Variants in CCDC201 observed in about 807,000 individuals in gnomAD.
CCDC201 encodes the protein coiled-coil domain-containing protein 201.
At chr7:45,876,920 G>A (rs1029264936), upstream of CCDC201, among the ~76,000 whole-genome samples, 5 of 152,204 alleles carry the variant, frequency 3.3e-5, no homozygotes, top group Non-Finnish European at 7.3e-5. Context: ...ATTCAGATGC[G>A]ATCGAAGTCC....
At chr7:45,872,540 A>T (rs1239623712) in intron 1 of CCDC201, among the ~76,000 whole-genome samples, 1 of 152,198 alleles carries the variant, frequency 6.6e-6, no homozygotes, top group Non-Finnish European at 1.5e-5. Flanking sequence ...CTCATGAGAC[A>T]GGCCAGGGGA....
chr7:45,875,397 A>AGAT (rs1312031586), upstream of CCDC201, among the ~76,000 whole-genome samples: 2 of 147,876 alleles, frequency 1.4e-5, no homozygotes, highest in African/African-American at 5.0e-5. Context: ...TGGGAGGCGG[A>AGAT]GATACGAGAA....
intron 1 of CCDC201, among the ~76,000 whole-genome samples, chr7:45,871,794 T>C (rs911851312): frequency 1.3e-5 from 2 of 152,266 alleles, no homozygotes; most frequent in Middle Eastern, 3.4e-3. Context: ...TGAACCTCAT[T>C]CTCAGTAATA....
At chr7:45,870,561 T>C (rs1035854361) in intron 1 of CCDC201, among the ~76,000 whole-genome samples, 6 of 152,296 alleles carry the variant, frequency 3.9e-5, no homozygotes, top group Non-Finnish European at 7.3e-5. Flanking sequence ...GTTGAATTTA[T>C]GGCAAAATAC....
intron 1 of CCDC201, among the ~76,000 whole-genome samples, chr7:45,871,912 C>T (rs530899441): frequency 7.9e-5 from 12 of 152,296 alleles, no homozygotes; most frequent in Admixed American, 3.3e-4. Flanking sequence ...AACTGGAACA[C>T]CTTCTATGGA....
chr7:45,869,408 G>A (rs781606511), intron 1 of CCDC201, among the ~76,000 whole-genome samples: 2 of 152,186 alleles, frequency 1.3e-5, no homozygotes, highest in African/African-American at 2.4e-5. Flanking sequence ...AACTAGAGTT[G>A]GTGAAACCAA....
intron 1 of CCDC201, among the ~76,000 whole-genome samples, chr7:45,867,193 A>G (rs1260889737): frequency 6.6e-6 from 1 of 152,136 alleles, no homozygotes; most frequent in Non-Finnish European, 1.5e-5. Flanking sequence ...GTGACCTGAC[A>G]GCAGATTGAG....
chr7:45,875,639 T>C (rs779894095), upstream of CCDC201, among the ~76,000 whole-genome samples: 65 of 152,276 alleles, frequency 4.3e-4, 1 homozygote, highest in Non-Finnish European at 1.2e-4. Flanking sequence ...TAAAGCTCCC[T>C]TAGCACCGTC....
At chr7:45,865,747 G>A (rs573700622) in intron 2 of CCDC201, among the ~76,000 whole-genome samples, 1 of 152,338 alleles carries the variant, frequency 6.6e-6, no homozygotes, top group African/African-American at 2.4e-5. Context: ...GGAAGCTCAT[G>A]TTTACCATAG....
chr7:45,866,139 T>A, exon 2 of CCDC201: 1 of 185,624 alleles, frequency 5.4e-6, no homozygotes, highest in Non-Finnish European at 1.1e-5. Context: ...GAGGGACTCT[T>A]GCTGCTGCTG....
upstream of CCDC201, among the ~76,000 whole-genome samples, chr7:45,874,125 G>A (rs1786773993): frequency 6.6e-6 from 1 of 151,828 alleles, no homozygotes; most frequent in African/African-American, 2.4e-5. Context: ...TTGCCATGTT[G>A]CCCAGGCTGG....
the CCDC201 span, among the ~76,000 whole-genome samples, chr7:45,882,579 T>C: frequency 6.6e-6 from 1 of 152,344 alleles, no homozygotes; most frequent in South Asian, 2.1e-4. Flanking sequence ...CATTTGTTCT[T>C]GCGGTTCCCA....
the CCDC201 span, among the ~76,000 whole-genome samples, chr7:45,881,632 T>C: frequency 6.6e-6 from 1 of 152,184 alleles, no homozygotes; most frequent in Non-Finnish European, 1.5e-5. Context: ...GCAGCCTTGA[T>C]GCGGGGAGAG....
chr7:45,872,647 G>A (rs1489713906), intron 1 of CCDC201, among the ~76,000 whole-genome samples: 1 of 152,180 alleles, frequency 6.6e-6, no homozygotes, highest in Non-Finnish European at 1.5e-5. Context: ...AATCTGGAGG[G>A]CCTGGGACAC....
chr7:45,879,208 A>C, the CCDC201 span, among the ~76,000 whole-genome samples: 1 of 152,208 alleles, frequency 6.6e-6, no homozygotes, highest in African/African-American at 2.4e-5. Flanking sequence ...CATTTTGGTC[A>C]CAACTATCTG....
exon 3 of CCDC201, chr7:45,860,896 T>A (rs12673958): frequency 0.19 from 28,465 of 152,248 alleles, 2,822 homozygotes; most frequent in East Asian, 0.27. Context: ...AGAGTGCCTA[T>A]GGATAACTGC....
At chr7:45,872,211 C>T (rs944342296) in intron 1 of CCDC201, among the ~76,000 whole-genome samples, 1 of 152,116 alleles carries the variant, frequency 6.6e-6, no homozygotes, top group Non-Finnish European at 1.5e-5. Flanking sequence ...GAAAAAGAAT[C>T]CCTACTTCTC....
chr7:45,867,365 A>G (rs1016483641), intron 1 of CCDC201, among the ~76,000 whole-genome samples: 1 of 152,168 alleles, frequency 6.6e-6, no homozygotes, highest in African/African-American at 2.4e-5. Context: ...GAATGGAACA[A>G]TTTCCGGCAT....
chr7:45,873,395 A>AC (rs1786763734), upstream of CCDC201, among the ~76,000 whole-genome samples: 1 of 145,898 alleles, frequency 6.9e-6, no homozygotes, highest in East Asian at 1.9e-4. Flanking sequence ...AAAAAAAAAA[A>AC]AACACGTTTC....
Sources: allele counts gnomAD v4.1 joint callset (sites outside exome capture counted in the v4.1 genomes callset), GRCh38; gene constraint gnomAD v4.1.1; transcripts MANE v1.5; gene names NCBI Gene and HGNC (gene_info 2026-07-23, HGNC 2026-07-21).